Variants in CTCF observed in about 807,000 individuals in gnomAD.
The protein encoded by CTCF is CCCTC-binding factor.
CTCF carries 7 observed loss-of-function variants against 72.3 expected under a neutral mutation model. That is an observed-to-expected ratio of 0.10 (90% CI 0.06 to 0.18). The LOEUF is 0.18. Among genes scored for constraint, CTCF ranks in the 10% least tolerant of loss-of-function variants. The pLI is 1.00. For missense variants in CTCF, 516 were observed against 949.1 expected (o/e 0.54, Z 6.00); for synonymous variants, 374 against 315.8 (o/e 1.18, Z -1.95).
Position 67,625,450 on chromosome 16 carries a change from A to G in CTCF, c.1358-1105A>G, listed in dbSNP as rs905749361. On this transcript the variant is annotated intron_variant, in intron 7 of 11. Coordinates refer to ENST00000264010, the MANE Select transcript of CTCF (RefSeq NM_006565.4). ...CGTCACCTCAGGTGATCCACCTGCC[A>G]TGGCCTCCCAAAGTGCTAGGATTAC... Among the ~76,000 whole-genome samples, 9 of 152,210 alleles carry G rather than the reference A, an allele frequency of 5.9e-5. No homozygotes were observed. In the South Asian group the frequency reaches 8.3e-4, roughly 14 times the overall value.
At chr16:67,624,071 A>ATATG (rs71382019) in intron 7 of CTCF, among the ~76,000 whole-genome samples, 75 of 117,588 alleles carry the variant, frequency 6.4e-4, no homozygotes, top group South Asian at 1.7e-3. Flanking sequence ...AAAATTATAT[A>ATATG]TGTGTGTGTG....
chr16:67,598,947 A>G (rs572102290), intron 2 of CTCF, among the ~76,000 whole-genome samples: 1 of 152,354 alleles, frequency 6.6e-6, no homozygotes, highest in Non-Finnish European at 1.5e-5. Flanking sequence ...AGTGGAAAGT[A>G]AGGAAAGAAT....
At position 67,638,529 on chromosome 16, in the gene CTCF, C is replaced by T. The variant is rs747954157; in HGVS notation, c.*657C>T. 1.1e-4 allele frequency: 26 copies of T among 228,794 alleles called. No individual in the cohort carries two copies. Among genetic ancestry groups the T allele is most frequent in the Non-Finnish European group, 1.4e-4 (16 of 114,982 alleles). 14.2% of individuals were successfully genotyped at this position (228,794 alleles called of 1,614,324 possible). The stretch of plus-strand genomic sequence containing the variant: ...TTTAATTACTTGCAAATTAAGTTAC[C>T]ACAGACTCTGTAGTGTGTAAATGTT... On this transcript the variant is annotated 3_prime_UTR_variant, in exon 12 of 12. Transcript: ENST00000264010.
chr16:67,633,702 C>T (rs887888148), intron 10 of CTCF, among the ~76,000 whole-genome samples: 1 of 151,860 alleles, frequency 6.6e-6, no homozygotes, highest in Admixed American at 6.6e-5. Flanking sequence ...GCTATGACCG[C>T]ACCAGTGCAC....
intron 2 of CTCF, among the ~76,000 whole-genome samples, chr16:67,593,199 T>C (rs539275724): frequency 1.3e-5 from 2 of 152,068 alleles, no homozygotes; most frequent in East Asian, 3.9e-4. Flanking sequence ...ATTTCAACTT[T>C]TATTTTAGAT....
At position 67,638,192 on chromosome 16, in the gene CTCF, A is replaced by G. The variant is rs1308292974; in HGVS notation, c.*320A>G. The G allele has an allele frequency of 3.3e-6, 1 of 298,900 alleles. No homozygotes were observed. Among genetic ancestry groups the G allele is most frequent in the Non-Finnish European group, 6.2e-6 (1 of 160,906 alleles). 18.5% of individuals were successfully genotyped at this position (298,900 alleles called of 1,614,324 possible). On this transcript the variant is annotated 3_prime_UTR_variant, in exon 12 of 12. Coordinates refer to ENST00000264010, the MANE Select transcript of CTCF (RefSeq NM_006565.4). ...CTCCCTCCATGTGGTAAACCACTCC[A>G]GAATGGCCACCAGGCTTCCCAGAGT...
intron 5 of CTCF, 124 bp from the exon 6 acceptor site, chr16:67,620,573 A>G (rs2052187775): frequency 2.9e-6 from 2 of 700,854 alleles, no homozygotes; most frequent in Middle Eastern, 3.0e-4. Context: ...GAAGAAGGTT[A>G]TCTTTTAGAC....
chr16:67,628,945 A>G (rs1437676401), intron 9 of CTCF, among the ~76,000 whole-genome samples: 1 of 152,030 alleles, frequency 6.6e-6, no homozygotes, highest in Non-Finnish European at 1.5e-5. Flanking sequence ...CTGTACTCCC[A>G]GGAGGCTGAG....
At chr16:67,603,986 C>T (rs1363510539) in intron 2 of CTCF, among the ~76,000 whole-genome samples, 1 of 150,614 alleles carries the variant, frequency 6.6e-6, no homozygotes, top group Non-Finnish European at 1.5e-5. Context: ...AAAAAATTAG[C>T]CTGGTGCCTG....
At position 67,628,399 on chromosome 16, in the gene CTCF, C is replaced by T. The variant is rs773949853; in HGVS notation, c.1548C>T (p.Thr516=). ...QERHMIMHKR[T]HTGEKPYACS... ...GGCACATGATCATGCACAAGCGCACCCACACCGGGGAGAAGCCTTACGCCT... is the reference window on the plus strand; with the variant it reads ...GGCACATGATCATGCACAAGCGCACTCACACCGGGGAGAAGCCTTACGCCT... Residue 516 remains threonine (T), a synonymous_variant, in exon 9 of 12, where the codon ACC becomes ACT. Coordinates refer to ENST00000264010, the MANE Select transcript of CTCF (RefSeq NM_006565.4). The T allele has an allele frequency of 6.2e-7, 1 of 1,614,180 alleles. No homozygotes were observed. The highest frequency in any genetic ancestry group is 1.7e-5 in the Admixed American group (1 of 60,006).
At chr16:67,608,894 A>T (rs1050609390) in intron 2 of CTCF, among the ~76,000 whole-genome samples, 17 of 151,934 alleles carry the variant, frequency 1.1e-4, no homozygotes, top group Admixed American at 8.5e-4. Context: ...GGCATGCACC[A>T]TCACACCTGG....
At chr16:67,590,135 A>G (rs1019284877) in intron 2 of CTCF, among the ~76,000 whole-genome samples, 2 of 151,376 alleles carry the variant, frequency 1.3e-5, no homozygotes, top group Non-Finnish European at 2.9e-5. Context: ...TTTTTAAAGA[A>G]GAGAGTTCCT....
chr16:67,607,204 G>A (rs1011471021), intron 2 of CTCF, among the ~76,000 whole-genome samples: 8 of 152,022 alleles, frequency 5.3e-5, no homozygotes, highest in African/African-American at 1.2e-4. Flanking sequence ...TGATCTGCCC[G>A]CCTCGGCCTC....
chr16:67,621,112 C>CGT lies in CTCF; in HGVS notation c.1207+295_1207+296insGT. 3 of 361,314 alleles carry CGT rather than the reference C, an allele frequency of 8.3e-6. No individual in the cohort carries two copies. In the East Asian group the frequency reaches 1.2e-4, roughly 15 times the overall value. 22.4% of individuals were successfully genotyped at this position (361,314 alleles called of 1,614,324 possible). A position where few individuals can be genotyped will look rare whatever the true frequency, so the allele number is the denominator to read the frequency against. On this transcript the variant is annotated intron_variant, in intron 6 of 11. Coordinates refer to ENST00000264010, the MANE Select transcript of CTCF (RefSeq NM_006565.4). The stretch of plus-strand genomic sequence containing the variant: ...AATTTTAAAAGTCTGGGTAGATTTC[C>CGT]TAACCTACCTTATTCAGTTTTCCTG...
At chr16:67,584,927 A>G (rs1261696521) in intron 2 of CTCF, among the ~76,000 whole-genome samples, 1 of 152,210 alleles carries the variant, frequency 6.6e-6, no homozygotes, top group South Asian at 2.1e-4. Flanking sequence ...ATTATTTTAT[A>G]CATTCATTTT....
chr16:67,621,402 TTC>T, intron 6 of CTCF, 38 bp from the exon 7 acceptor site: 1 of 1,428,084 alleles, frequency 7.0e-7, no homozygotes, highest in Non-Finnish European at 9.8e-7. Context: ...ACAGTATTTA[TTC>T]ATTTCATTTA....
In CTCF at chr16:67,570,480, G is replaced by A. The variant is rs190123782; in HGVS notation, c.-126-668G>A. ...GTTTTTTTTTTTGAGACGGAGTCTCGCTCTGTCGCCCAGGCTGGAGTGCCG... is the reference window on the plus strand; with the variant it reads ...GTTTTTTTTTTTGAGACGGAGTCTCACTCTGTCGCCCAGGCTGGAGTGCCG... On this transcript the variant is annotated intron_variant, in intron 1 of 11. Coordinates refer to ENST00000264010, the MANE Select transcript of CTCF (RefSeq NM_006565.4). 1.9e-3 allele frequency among the ~76,000 whole-genome samples: 280 copies of A among 151,020 alleles called. 1 individual carries two copies. Among genetic ancestry groups the A allele is most frequent in the Admixed American group, 3.2e-3 (48 of 15,120 alleles).
intron 4 of CTCF, chr16:67,614,594 C>T (rs778200538): frequency 6.6e-6 from 1 of 151,792 alleles, no homozygotes; most frequent in African/African-American, 2.4e-5. Context: ...AATCCCAGCA[C>T]TTTGGCACTT....
Position 67,575,477 on chromosome 16 carries a change from G to A in CTCF, c.-10+4213G>A, listed in dbSNP as rs1051965521. ...CTTTTTTTTTGAGAGATGGAGTCTC[G>A]CTCTGTCGCCAGGCTGGAGTGCAGT... On this transcript the variant is annotated intron_variant, in intron 2 of 11. Transcript: ENST00000264010. 3.3e-5 allele frequency among the ~76,000 whole-genome samples: 5 copies of A among 151,820 alleles called. No homozygotes were observed. The East Asian group carries it at 5.8e-4, about 18-fold the overall frequency.
Sources: gnomAD v4.1 joint callset for allele counts (sites outside exome capture counted in the v4.1 genomes callset) on GRCh38, gnomAD v4.1.1 for gene constraint, MANE v1.5 for transcripts, NCBI Gene and HGNC (gene_info 2026-07-23, HGNC 2026-07-21) for gene names.